SLC5A4: variants seen among roughly 807,000 people sequenced by gnomAD.
The protein encoded by SLC5A4 is solute carrier family 5 member 4.
In SLC5A4, 55 loss-of-function variants were observed where a neutral mutation model predicts 70.3. The ratio of observed to expected loss-of-function variants is 0.78; its 90% CI spans 0.63 to 0.98. The LOEUF is 0.98. SLC5A4 is among the 50% of genes least tolerant of loss of function. The pLI, the probability that SLC5A4 is intolerant of heterozygous loss-of-function variation, is 0.00. For synonymous variants in SLC5A4, 268 were observed against 305.7 expected, an observed-to-expected ratio of 0.88 and a Z score of 1.29; for missense variants, 735 against 839.2, an observed-to-expected ratio of 0.88 and a Z score of 1.53.
At chr22:32,354,251 C>T in the SLC5A4 span, among the ~76,000 whole-genome samples, 161 of 141,130 alleles carry the variant, frequency 1.1e-3, no homozygotes, top group Non-Finnish European at 2.1e-3. Context: ...ATCCTGCTAT[C>T]TCTGTCTCAG....
chr22:32,288,208 CTT>C, the SLC5A4 span, among the ~76,000 whole-genome samples: 1 of 152,068 alleles, frequency 6.6e-6, no homozygotes, highest in Non-Finnish European at 1.5e-5. Context: ...GGTTTTCTCT[CTT>C]GAGAAAGTGA....
chr22:32,331,023 G>A, the SLC5A4 span, among the ~76,000 whole-genome samples: 2 of 140,008 alleles, frequency 1.4e-5, no homozygotes, highest in Admixed American at 7.0e-5. Context: ...TCTGGTGTGT[G>A]TGTGTGTTGG....
At chr22:32,299,253 C>G in the SLC5A4 span, among the ~76,000 whole-genome samples, 1 of 149,526 alleles carries the variant, frequency 6.7e-6, no homozygotes, top group Non-Finnish European at 1.5e-5. Flanking sequence ...AGAGTGTTTT[C>G]CAACTTGGTT....
At chr22:32,238,147 C>A (rs1285478132) in intron 6 of SLC5A4, among the ~76,000 whole-genome samples, 2 of 152,026 alleles carry the variant, frequency 1.3e-5, no homozygotes, top group Non-Finnish European at 2.9e-5. Flanking sequence ...CAAACACCAG[C>A]ACCTGCAACA....
chr22:32,350,679 C>G, the SLC5A4 span, among the ~76,000 whole-genome samples: 3,929 of 152,034 alleles, frequency 0.026, 183 homozygotes, highest in African/African-American at 0.091. Context: ...TGCAACCGAT[C>G]TACTCTGGAC....
the SLC5A4 span, among the ~76,000 whole-genome samples, chr22:32,287,263 T>C: frequency 6.6e-6 from 1 of 152,192 alleles, no homozygotes; most frequent in Non-Finnish European, 1.5e-5. Flanking sequence ...AAACACAGCA[T>C]ATTCTTCCAC....
At chr22:32,334,725 C>T in the SLC5A4 span, among the ~76,000 whole-genome samples, 1 of 152,204 alleles carries the variant, frequency 6.6e-6, no homozygotes, top group South Asian at 2.1e-4. Context: ...GGGATTGAAT[C>T]ATGGCTTTGG....
the SLC5A4 span, among the ~76,000 whole-genome samples, chr22:32,286,263 G>A: frequency 6.6e-6 from 1 of 152,118 alleles, no homozygotes; most frequent in African/African-American, 2.4e-5. Flanking sequence ...ATGACATATT[G>A]ATTTGGTCAT....
the SLC5A4 span, among the ~76,000 whole-genome samples, chr22:32,289,705 A>G: frequency 6.6e-6 from 1 of 152,362 alleles, no homozygotes; most frequent in Admixed American, 6.5e-5. Context: ...ACTGTGAGTC[A>G]TTAAACCTCT....
the SLC5A4 span, among the ~76,000 whole-genome samples, chr22:32,309,224 T>C: frequency 6.6e-6 from 1 of 152,028 alleles, no homozygotes; most frequent in African/African-American, 2.4e-5. Context: ...CACACAATAA[T>C]CACACCATAC....
the SLC5A4 span, among the ~76,000 whole-genome samples, chr22:32,291,100 A>C: frequency 6.6e-6 from 1 of 151,838 alleles, no homozygotes; most frequent in South Asian, 2.1e-4. Flanking sequence ...TTAAAGAGCT[A>C]GCATTTGGCT....
the SLC5A4 span, among the ~76,000 whole-genome samples, chr22:32,306,595 A>AGACCCC: frequency 1.3e-5 from 2 of 152,190 alleles, no homozygotes; most frequent in Non-Finnish European, 2.9e-5. Context: ...GCTCTCAGAG[A>AGACCCC]GACCCCATGC....
At chr22:32,251,127 A>T (rs1927116322) in intron 3 of SLC5A4, among the ~76,000 whole-genome samples, 1 of 150,018 alleles carries the variant, frequency 6.7e-6, no homozygotes, top group Non-Finnish European at 1.5e-5. Flanking sequence ...ATTGACAAAG[A>T]AGACAACAAC....
the SLC5A4 span, among the ~76,000 whole-genome samples, chr22:32,302,179 G>A: frequency 6.6e-6 from 1 of 151,278 alleles, no homozygotes; most frequent in East Asian, 1.9e-4. Flanking sequence ...CTCTTTAAAT[G>A]GATATCCTCA....
At chr22:32,310,397 G>A in the SLC5A4 span, among the ~76,000 whole-genome samples, 1 of 152,154 alleles carries the variant, frequency 6.6e-6, no homozygotes, top group East Asian at 1.9e-4. Context: ...CTGGGTCTTG[G>A]GCCCCCACCC....
intron 5 of SLC5A4, among the ~76,000 whole-genome samples, chr22:32,240,449 A>ATGTG (rs754081875): frequency 7.8e-6 from 1 of 128,468 alleles, no homozygotes; most frequent in African/African-American, 3.1e-5. Flanking sequence ...ATATATATAT[A>ATGTG]TGTGTGTGTG....
intron 5 of SLC5A4, among the ~76,000 whole-genome samples, chr22:32,245,647 A>G (rs1947725083): frequency 6.6e-6 from 1 of 152,100 alleles, no homozygotes; most frequent in Admixed American, 6.5e-5. Flanking sequence ...CAGCCTCCTG[A>G]GTAGCTGGGA....
chr22:32,256,458 G>A (rs12157791), upstream of SLC5A4, among the ~76,000 whole-genome samples: 12,048 of 152,120 alleles, frequency 0.079, 762 homozygotes, highest in African/African-American at 0.18. Context: ...CCTTTTAAGT[G>A]TACAATTCAT....
At chr22:32,221,436 T>C (rs1421385491) in intron 13 of SLC5A4, among the ~76,000 whole-genome samples, 1 of 152,222 alleles carries the variant, frequency 6.6e-6, no homozygotes, top group Non-Finnish European at 1.5e-5. Flanking sequence ...TCTTAAATTC[T>C]ATTTCTGGAT....
Sources: allele counts gnomAD v4.1 joint callset (sites outside exome capture counted in the v4.1 genomes callset), GRCh38; gene constraint gnomAD v4.1.1; transcripts MANE v1.5; gene names NCBI Gene and HGNC (gene_info 2026-07-23, HGNC 2026-07-21).